MACROD2: variants seen among roughly 807,000 people sequenced by gnomAD.
MACROD2 encodes mono-ADP ribosylhydrolase 2, also known as ADP-ribose glycohydrolase MACROD2.
A neutral mutation model predicts 70.4 loss-of-function variants in MACROD2; 36 were observed. That is an observed-to-expected ratio of 0.51 (90% CI 0.39 to 0.68). MACROD2 has a LOEUF of 0.68. Ranked by LOEUF, MACROD2 falls within the 30% of genes least tolerant of loss-of-function variation. The pLI, the probability that MACROD2 is intolerant of heterozygous loss-of-function variation, is 0.00. For missense variants in MACROD2, 496 were observed against 538.4 expected (o/e 0.92, Z 0.78); for synonymous variants, 172 against 178.8 (o/e 0.96, Z 0.30).
chr20:14,192,597 T>C (rs2081397564), intron 3 of MACROD2, among the ~76,000 whole-genome samples: 1 of 152,116 alleles, frequency 6.6e-6, no homozygotes, highest in Non-Finnish European at 1.5e-5. Flanking sequence ...TCTTCATTTG[T>C]GATTCATGAA....
chr20:14,875,911 T>C (rs902696142), intron 5 of MACROD2, among the ~76,000 whole-genome samples: 3 of 152,190 alleles, frequency 2.0e-5, no homozygotes, highest in African/African-American at 7.2e-5. Context: ...ATGGATTCCA[T>C]GTCTTTGCTA....
intron 8 of MACROD2, among the ~76,000 whole-genome samples, chr20:15,649,103 CTCCCCTTCCCTCCCCTCCCCTCCCT>C (rs2049600916): frequency 9.5e-6 from 1 of 105,250 alleles, no homozygotes; most frequent in East Asian, 4.0e-4. Flanking sequence ...CTCCCCTCCC[CTCCCCTTCCCTCCCCTCCCCTCCCT>C]TCCCTTCCCT....
At position 14,871,316 on chromosome 20, in the gene MACROD2, C is replaced by T. The variant is rs887640313; in HGVS notation, c.418+186357C>T. On this transcript the variant is annotated intron_variant, in intron 5 of 17. Coordinates refer to ENST00000684519, the MANE Select transcript of MACROD2 (RefSeq NM_001351661.2). The stretch of plus-strand genomic sequence containing the variant: ...GAAGCCCATTAGACTAACAGTGGAC[C>T]GCTCGGCTGAAACTCAGCATACAAG... Among the ~76,000 whole-genome samples the T allele has an allele frequency of 2.6e-5, 4 of 152,024 alleles. No individual in the cohort carries two copies. The East Asian group carries it at 7.7e-4, about 29-fold the overall frequency.
At chr20:15,281,973 T>C (rs1186092254) in intron 6 of MACROD2, among the ~76,000 whole-genome samples, 2 of 152,172 alleles carry the variant, frequency 1.3e-5, no homozygotes, top group African/African-American at 4.8e-5. Flanking sequence ...CAAACTCAAT[T>C]CTTGACTTTT....
At chr20:14,661,005 T>TA (rs1600510447) in intron 4 of MACROD2, among the ~76,000 whole-genome samples, 2 of 152,124 alleles carry the variant, frequency 1.3e-5, no homozygotes, top group African/African-American at 4.8e-5. Flanking sequence ...AGTGCTGGGG[T>TA]AAAAATACAA....
chr20:15,374,478 T>C (rs916914106), intron 6 of MACROD2, among the ~76,000 whole-genome samples: 2 of 152,168 alleles, frequency 1.3e-5, no homozygotes, highest in African/African-American at 4.8e-5. Context: ...AATAATGCTA[T>C]TTATATCTTT....
At chr20:14,519,065 T>G (rs1207722522) in intron 4 of MACROD2, among the ~76,000 whole-genome samples, 1 of 152,168 alleles carries the variant, frequency 6.6e-6, no homozygotes, top group African/African-American at 2.4e-5. Context: ...GATAATTTGT[T>G]CTTCTTCACT....
intron 8 of MACROD2, among the ~76,000 whole-genome samples, chr20:15,570,982 ATTTAACCTT>A (rs2048369293): frequency 6.6e-6 from 1 of 152,200 alleles, no homozygotes; most frequent in South Asian, 2.1e-4. Flanking sequence ...TATTTCAATT[ATTTAACCTT>A]AGTATGTTTT....
At chr20:15,261,719 T>A (rs416240) in intron 6 of MACROD2, among the ~76,000 whole-genome samples, 1 of 151,624 alleles carries the variant, frequency 6.6e-6, no homozygotes, top group African/African-American at 2.4e-5. Flanking sequence ...TGAACAATAT[T>A]ATATTGTGAA....
intron 15 of MACROD2, among the ~76,000 whole-genome samples, chr20:16,028,286 C>T (rs768678299): frequency 6.6e-6 from 1 of 152,168 alleles, no homozygotes; most frequent in African/African-American, 2.4e-5. Flanking sequence ...GGATGACTTT[C>T]TCTCTGCGTT....
chr20:15,358,243 T>C (rs1342415074), intron 6 of MACROD2, among the ~76,000 whole-genome samples: 1 of 152,132 alleles, frequency 6.6e-6, no homozygotes, highest in African/African-American at 2.4e-5. Context: ...GAGAGATAAG[T>C]AGTATATTTA....
chr20:14,112,271 T>C (rs893501591), intron 3 of MACROD2, among the ~76,000 whole-genome samples: 11 of 151,754 alleles, frequency 7.2e-5, no homozygotes, highest in African/African-American at 2.7e-4. Context: ...AAAAAATAGT[T>C]CAAAAGAATG....
chr20:14,751,349 C>T (rs1239529392), intron 5 of MACROD2, among the ~76,000 whole-genome samples: 1 of 151,692 alleles, frequency 6.6e-6, no homozygotes, highest in South Asian at 2.1e-4. Context: ...GACATGTTTA[C>T]AGCCATTTAA....
intron 5 of MACROD2, among the ~76,000 whole-genome samples, chr20:14,726,600 G>T (rs1267832895): frequency 1.3e-5 from 2 of 152,216 alleles, no homozygotes; most frequent in African/African-American, 2.4e-5. Context: ...GCCAGACACT[G>T]CCCTAATCAC....
At chr20:14,222,287 A>G (rs537784026) in intron 3 of MACROD2, among the ~76,000 whole-genome samples, 28 of 152,138 alleles carry the variant, frequency 1.8e-4, no homozygotes, top group Admixed American at 5.9e-4. Context: ...TCTATACACA[A>G]TGGAATACTA....
chr20:15,822,412 G>A (rs933131177), intron 8 of MACROD2, among the ~76,000 whole-genome samples: 10 of 152,062 alleles, frequency 6.6e-5, no homozygotes, highest in Non-Finnish European at 1.5e-4. Context: ...TTCATGGATA[G>A]TTAATGAAAT....
intron 3 of MACROD2, among the ~76,000 whole-genome samples, chr20:14,340,338 T>C (rs1208835743): frequency 2.0e-5 from 3 of 152,168 alleles, no homozygotes; most frequent in Non-Finnish European, 4.4e-5. Context: ...TTAATCTCTT[T>C]GAGTTTGTTA....
At chr20:15,773,259 TA>T (rs71667655) in intron 8 of MACROD2, among the ~76,000 whole-genome samples, 22,140 of 152,080 alleles carry the variant, frequency 0.15, 2,892 homozygotes, top group East Asian at 0.38. Flanking sequence ...GATACAGTTT[TA>T]AGAATGTCAC....
chr20:14,158,584 T>C (rs1446362093), intron 3 of MACROD2, among the ~76,000 whole-genome samples: 1 of 152,108 alleles, frequency 6.6e-6, no homozygotes, highest in Non-Finnish European at 1.5e-5. Context: ...TTTTTGTATA[T>C]GTATGGTAAG....
Sources: allele counts gnomAD v4.1 joint callset (sites outside exome capture counted in the v4.1 genomes callset), GRCh38; gene constraint gnomAD v4.1.1; transcripts MANE v1.5; gene names NCBI Gene and HGNC (gene_info 2026-07-23, HGNC 2026-07-21).